TNFRSF8: variants seen among roughly 807,000 people sequenced by gnomAD.
The protein encoded by TNFRSF8 is TNF receptor superfamily member 8, also known as tumor necrosis factor receptor superfamily member 8.
A neutral mutation model predicts 70.8 loss-of-function variants in TNFRSF8; 26 were observed. The ratio of observed to expected loss-of-function variants is 0.37; its 90% CI spans 0.27 to 0.51. The LOEUF is 0.51. Ranked by LOEUF, TNFRSF8 falls within the 20% of genes least tolerant of loss-of-function variation. TNFRSF8 has a pLI of 0.94. For synonymous variants in TNFRSF8, 356 were observed against 339.2 expected (o/e 1.05, Z -0.54); for missense variants, 720 against 807.9 (o/e 0.89, Z 1.32).
chr1:12,135,648 G>C (rs369952838), intron 13 of TNFRSF8, 35 bp downstream of exon 13: 2 of 1,612,708 alleles, frequency 1.2e-6, no homozygotes, highest in Non-Finnish European at 8.5e-7. Flanking sequence ...CCTCAGCTTC[G>C]TGCCCCTAAA....
intron 13 of TNFRSF8, among the ~76,000 whole-genome samples, chr1:12,137,478 ACTT>A (rs1395865551): frequency 2.6e-5 from 4 of 151,750 alleles, no homozygotes; most frequent in Non-Finnish European, 5.9e-5. Flanking sequence ...TCATGAGGCC[ACTT>A]CTTTGCCCTT....
At chr1:12,080,579 T>C in intron 1 of TNFRSF8, 1 of 354,676 alleles carries the variant, frequency 2.8e-6, no homozygotes. Context: ...TTTTTTGAGA[T>C]GGAGTTTCAC....
At chr1:12,125,035 T>C (rs1641912281) in intron 10 of TNFRSF8, among the ~76,000 whole-genome samples, 1 of 152,162 alleles carries the variant, frequency 6.6e-6, no homozygotes, top group Non-Finnish European at 1.5e-5. Context: ...GGCTGGGAAC[T>C]TGTTAGGAAA....
At chr1:12,081,611 G>A (rs1052678343) in intron 1 of TNFRSF8, among the ~76,000 whole-genome samples, 5 of 151,336 alleles carry the variant, frequency 3.3e-5, no homozygotes, top group Non-Finnish European at 7.4e-5. Flanking sequence ...CAAATATCAC[G>A]TTCATGTATT....
At chr1:12,076,132 C>T (rs868497097) in intron 1 of TNFRSF8, among the ~76,000 whole-genome samples, 61 of 135,656 alleles carry the variant, frequency 4.5e-4, no homozygotes, top group Admixed American at 2.1e-3. Context: ...TGGGGTTTCA[C>T]TCATCTTGCC....
rs1439216459 is a variant in TNFRSF8 at position 12,108,419 on chromosome 1, T to G, written c.422-1147T>G. On this transcript the variant is annotated intron_variant, in intron 4 of 14. Transcript: ENST00000263932. This position sits in a 1 kb window ranked among gnomAD's most constrained non-coding sequence, Gnocchi z 4.0. The stretch of plus-strand genomic sequence containing the variant: ...CTAAGTGTTGGGATGGGAGTCCAGA[T>G]GGGTGTAAGGACATAGCATTTACCA... Among the ~76,000 whole-genome samples, 2 of 152,074 alleles carry G rather than the reference T, an allele frequency of 1.3e-5. No homozygotes were observed. Among genetic ancestry groups the G allele is most frequent in the African/African-American group, 4.8e-5 (2 of 41,416 alleles).
Position 12,142,451 on chromosome 1 carries a change from G to C in TNFRSF8, c.1708G>C (p.Gly570Arg). The C allele has an allele frequency of 2.5e-6, 4 of 1,612,352 alleles. No individual in the cohort carries two copies. Among genetic ancestry groups the C allele is most frequent in the Non-Finnish European group, 3.4e-6 (4 of 1,179,390 alleles). ...CGAGCAGGAGACAGAACCGCCTCTG[G>C]GCAGCTGCAGCGATGTCATGCTCTC... Reference protein sequence around the residue: ...YPEQETEPPLGSCSDVMLSVE... With the variant: ...YPEQETEPPLRSCSDVMLSVE... Residue 570 changes from glycine to arginine, a missense_variant, in exon 15 of 15, where the codon GGC (glycine) becomes CGC (arginine). Gly to Arg is a moderately radical substitution (Grantham distance 125). Coordinates refer to ENST00000263932, the MANE Select transcript of TNFRSF8 (RefSeq NM_001243.5). This position sits in a 1 kb window ranked among gnomAD's most constrained non-coding sequence, Gnocchi z 5.0.
intron 1 of TNFRSF8, among the ~76,000 whole-genome samples, chr1:12,073,892 A>G (rs6684143): frequency 0.55 from 83,965 of 151,828 alleles, 25,564 homozygotes; most frequent in African/African-American, 0.81. Flanking sequence ...CACCGCACCC[A>G]GCCCACTGCA....
At chr1:12,124,845 AAAC>A (rs1269978344) in intron 10 of TNFRSF8, among the ~76,000 whole-genome samples, 1 of 141,972 alleles carries the variant, frequency 7.0e-6, no homozygotes, top group East Asian at 2.0e-4. Context: ...AAACAAAACA[AAAC>A]AAAACAAAAC....
chr1:12,126,406 T>C (rs1397274287), intron 12 of TNFRSF8, among the ~76,000 whole-genome samples, 170 bp downstream of exon 12: 1 of 152,212 alleles, frequency 6.6e-6, no homozygotes, highest in Non-Finnish European at 1.5e-5. Context: ...GGGTGAAAAC[T>C]CATGCGTGTG....
intron 3 of TNFRSF8, among the ~76,000 whole-genome samples, chr1:12,098,857 T>C (rs1641372703): frequency 6.6e-6 from 1 of 152,218 alleles, no homozygotes; most frequent in African/African-American, 2.4e-5. Flanking sequence ...TTTTCCCACC[T>C]CCTCATCCTC....
chr1:12,099,906 C>A (rs577016267), intron 3 of TNFRSF8, among the ~76,000 whole-genome samples: 76 of 152,284 alleles, frequency 5.0e-4, no homozygotes, highest in African/African-American at 1.8e-3. Context: ...CAGTGACTCA[C>A]ACCTGTAATG....
intron 1 of TNFRSF8, among the ~76,000 whole-genome samples, 160 bp from the exon 2 acceptor site, chr1:12,084,304 A>G (rs1173157384): frequency 4.6e-5 from 7 of 152,078 alleles, no homozygotes; most frequent in African/African-American, 1.7e-4. Flanking sequence ...TAGCAGGGGG[A>G]AGCGTAAGGG....
At chr1:12,064,992 T>G (rs1248072783) in intron 1 of TNFRSF8, among the ~76,000 whole-genome samples, 2 of 152,132 alleles carry the variant, frequency 1.3e-5, no homozygotes, top group Non-Finnish European at 2.9e-5. Flanking sequence ...CCTCCACTTT[T>G]TTTAATGTTA....
At chr1:12,076,778 G>A (rs1157671773) in intron 1 of TNFRSF8, among the ~76,000 whole-genome samples, 1 of 152,308 alleles carries the variant, frequency 6.6e-6, no homozygotes, top group East Asian at 1.9e-4. Flanking sequence ...GTTTCAGGTA[G>A]TCTCTTGGTC....
Position 12,142,077 on chromosome 1 carries a change from G to T in TNFRSF8, c.1544-210G>T, listed in dbSNP as rs1309994580. Among the ~76,000 whole-genome samples, 1 of 152,196 alleles carries T rather than the reference G, an allele frequency of 6.6e-6. No homozygotes were observed. Among genetic ancestry groups the T allele is most frequent in the Non-Finnish European group, 1.5e-5 (1 of 68,026 alleles). ...AGAAAATCCTAAGTACAAGTGGGCT[G>T]GTTCTTAACTCCTCAAGGCCCAGCT... On this transcript the variant is annotated intron_variant, in intron 14 of 14. Transcript: ENST00000263932. The surrounding 1 kb of genome is among the most constrained non-coding windows in gnomAD (Gnocchi z 5.0).
chr1:12,129,770 C>T (rs953331364), intron 12 of TNFRSF8, among the ~76,000 whole-genome samples: 2 of 152,108 alleles, frequency 1.3e-5, no homozygotes, highest in South Asian at 2.1e-4. Flanking sequence ...TTTGAGCGCT[C>T]GACGGAGGTG....
chr1:12,105,527 CCTCTCTCTCT>C (rs36180612), intron 4 of TNFRSF8, among the ~76,000 whole-genome samples: 9 of 145,964 alleles, frequency 6.2e-5, no homozygotes, highest in African/African-American at 2.0e-4. Context: ...TGAATCTGAT[CCTCTCTCTCT>C]CTCTCTCTCT....
intron 8 of TNFRSF8, among the ~76,000 whole-genome samples, chr1:12,121,845 G>T (rs1217805688): frequency 6.6e-6 from 1 of 152,236 alleles, no homozygotes; most frequent in Non-Finnish European, 1.5e-5. Context: ...ATCAACTAGC[G>T]AACGGGTATG....
Sources: gnomAD v4.1 joint callset for allele counts (sites outside exome capture counted in the v4.1 genomes callset) on GRCh38, gnomAD v4.1.1 for gene constraint, Gnocchi (gnomAD v3.1) non-coding constraint, MANE v1.5 for transcripts, NCBI Gene and HGNC (gene_info 2026-07-23, HGNC 2026-07-21) for gene names.